LSM10: variants seen among roughly 807,000 people sequenced by gnomAD.
LSM10 encodes U7 snRNA-associated Sm-like protein LSm10.
In LSM10, 4 loss-of-function variants were observed where a neutral mutation model predicts 5.2. That is an observed-to-expected ratio of 0.77 (90% CI 0.38 to 1.77). The LOEUF is 1.77. LSM10 is among the 40% of genes most tolerant of loss of function. LSM10 has a pLI of 0.04. For synonymous variants in LSM10, 63 were observed against 67.4 expected (o/e 0.94, Z 0.32); for missense variants, 150 against 171.6 (o/e 0.87, Z 0.70).
At chr1:36,394,575 G>C (rs963946349) in intron 1 of LSM10, among the ~76,000 whole-genome samples, 1 of 152,074 alleles carries the variant, frequency 6.6e-6, no homozygotes, top group African/African-American at 2.4e-5. Context: ...GAGAGGCTGA[G>C]GCAGGCAGAT....
rs777274836 is a variant in LSM10 at position 36,393,824 on chromosome 1, A to C, written c.306T>G (p.His102Gln). 1.2e-6 allele frequency: 2 copies of C among 1,614,188 alleles called. No individual in the cohort carries two copies. Among genetic ancestry groups the C allele is most frequent in the Admixed American group, 1.7e-5 (1 of 60,016 alleles). ...STIEQQLQII[H>Q]RVRNFGGKGQ... ...CCTTGCCACCAAAGTTTCGCACCCGATGGATAATCTGCAGCTGCTGCTCAA... is the reference window on the plus strand; with the variant it reads ...CCTTGCCACCAAAGTTTCGCACCCGCTGGATAATCTGCAGCTGCTGCTCAA... Residue 102 changes from histidine (H) to glutamine (Q), a missense_variant, in exon 2 of 2, where the codon CAT becomes CAG. Physicochemically the swap from His to Gln is conservative, Grantham distance 24. Coordinates refer to ENST00000315732, the MANE Select transcript of LSM10 (RefSeq NM_032881.3).
chr1:36,396,695 G>A (rs938541444), intron 1 of LSM10, among the ~76,000 whole-genome samples: 1 of 152,250 alleles, frequency 6.6e-6, no homozygotes, highest in African/African-American at 2.4e-5. Flanking sequence ...AATGAGGCCG[G>A]GTGCAAGGGC....
At chr1:36,396,566 C>G (rs1406654105) in intron 1 of LSM10, among the ~76,000 whole-genome samples, 2 of 152,194 alleles carry the variant, frequency 1.3e-5, no homozygotes, top group Non-Finnish European at 2.9e-5. Flanking sequence ...AGGTGAGGCC[C>G]AGAGATAAAG....
In LSM10 at chr1:36,394,029, C is replaced by T. The variant is rs139161560; in HGVS notation, c.101G>A (p.Arg34Gln). Residue 34 changes from arginine to glutamine, a missense_variant, in exon 2 of 2, where the codon CGG becomes CAG. Transcript: ENST00000315732. Reference protein sequence around the residue: ...LQGRVTTVDLRDESVAHGRID... With the variant: ...LQGRVTTVDLQDESVAHGRID... ...GCGTCCGTGGGCCACGCTCTCATCC[C>T]GCAGGTCCACAGTGGTTACCCGGCC... The T allele has an allele frequency of 5.6e-6, 9 of 1,614,100 alleles. No homozygotes were observed. Among genetic ancestry groups the T allele is most frequent in the Middle Eastern group, 1.6e-4 (1 of 6,084 alleles).
rs560939679 is a variant in LSM10, at chr1:36,396,740, G to A, written c.-25+1027C>T. Among the ~76,000 whole-genome samples, 16 of 152,334 alleles carry A rather than the reference G, an allele frequency of 1.1e-4. No individual in the cohort carries two copies. In the South Asian group the frequency reaches 2.5e-3, roughly 24 times the overall value. On this transcript the variant is annotated intron_variant, in intron 1 of 1. Coordinates refer to ENST00000315732, the MANE Select transcript of LSM10 (RefSeq NM_032881.3). ...TAATCCCAGGATTTTGGGAGGCCAA[G>A]GCGAGTGGATCACCTGAGGTCAGGA...
chr1:36,394,211 C>T (rs886824908), intron 1 of LSM10, 58 bp from the exon 2 acceptor site: 166 of 1,489,898 alleles, frequency 1.1e-4, no homozygotes, highest in Non-Finnish European at 1.4e-4. Flanking sequence ...CAGTTGCCAA[C>T]TCACCTCCAC....
chr1:36,394,234 C>T, intron 1 of LSM10, 81 bp from the exon 2 acceptor site: 1 of 1,374,358 alleles, frequency 7.3e-7, no homozygotes, highest in Non-Finnish European at 9.7e-7. Flanking sequence ...GGTTCTCAAA[C>T]AAAATTCCCA....
intron 1 of LSM10, among the ~76,000 whole-genome samples, chr1:36,395,307 T>C (rs1483766035): frequency 1.3e-5 from 2 of 152,208 alleles, no homozygotes; most frequent in Non-Finnish European, 2.9e-5. Context: ...TTATAAATTA[T>C]ATGATTATCT....
At position 36,394,058 on chromosome 1, in the gene LSM10, G is replaced by A; in HGVS notation, c.72C>T (p.Leu24=). The A allele has an allele frequency of 1.2e-6, 2 of 1,614,216 alleles. No individual in the cohort carries two copies. The highest frequency in any genetic ancestry group is 1.7e-6 in the Non-Finnish European group (2 of 1,180,044). ...ENSLIILLQG[L]QGRVTTVDLR... ...GGTCCACAGTGGTTACCCGGCCCTG[G>A]AGGCCCTGCAGTAGGATGATCAGGC... Residue 24 remains leucine, a synonymous_variant, in exon 2 of 2, where the codon CTC becomes CTT. Coordinates refer to ENST00000315732, the MANE Select transcript of LSM10 (RefSeq NM_032881.3).
chr1:36,393,805 C>T lies in LSM10; in HGVS notation c.325G>A (p.Gly109Ser), dbSNP rs1557533501. Residue 109 changes from glycine to serine, a missense_variant, in exon 2 of 2, where the codon GGC (glycine) becomes AGC (serine). Transcript: ENST00000315732. Reference protein sequence around the residue: ...QIIHRVRNFGGKGQGRWEFPP... With the variant: ...QIIHRVRNFGSKGQGRWEFPP... The stretch of plus-strand genomic sequence containing the variant: ...AATTCCCACCGGCCTTGGCCCTTGC[C>T]ACCAAAGTTTCGCACCCGATGGATA... 6.2e-7 allele frequency: 1 copy of T among 1,614,252 alleles called. No individual in the cohort carries two copies.
chr1:36,394,980 G>A (rs1219647794), intron 1 of LSM10, among the ~76,000 whole-genome samples: 2 of 152,090 alleles, frequency 1.3e-5, no homozygotes, highest in South Asian at 2.1e-4. Context: ...GGTGGCACAT[G>A]CCTGTAATCT....
rs41303433 is a variant in LSM10, at chr1:36,393,471, A to T, written c.*287T>A. On this transcript the variant is annotated 3_prime_UTR_variant, in exon 2 of 2. Transcript: ENST00000315732. The stretch of plus-strand genomic sequence containing the variant: ...CATGTTTAATTATCCTCACTGGGAG[A>T]GTTGAAAACTACTTGACAGGTTCCA... The T allele has an allele frequency of 2.9e-3, 1,359 of 463,140 alleles. 4 individuals are homozygous for T. The highest frequency in any genetic ancestry group is 5.8e-3 in the Admixed American group (171 of 29,412). 28.7% of individuals were successfully genotyped at this position (463,140 alleles called of 1,614,324 possible). A position where few individuals can be genotyped will look rare whatever the true frequency, so the allele number is the denominator to read the frequency against.
rs1055065768 is a variant in LSM10 at position 36,394,010 on chromosome 1, G to A, written c.120C>T (p.His40=). The A allele has an allele frequency of 4.3e-6, 7 of 1,614,198 alleles. No homozygotes were observed. The highest frequency in any genetic ancestry group is 4.5e-5 in the East Asian group (2 of 44,872). ...AAGCATCGACATTGTCTATGCGTCC[G>A]TGGGCCACGCTCTCATCCCGCAGGT... The part of the protein sequence containing the change: ...TVDLRDESVA[H]GRIDNVDAFM... The change falls in exon 2 of 2, where the codon CAC becomes CAT. Residue 40 remains histidine, a synonymous_variant. Transcript: ENST00000315732.
rs1647141819 is a variant in LSM10, at chr1:36,394,096, T to C, written c.34A>G (p.Ile12Val). Residue 12 changes from isoleucine to valine, a missense_variant, in exon 2 of 2, where the codon ATC becomes GTC. By Grantham distance (29) the Ile-to-Val change is conservative. Coordinates refer to ENST00000315732, the MANE Select transcript of LSM10 (RefSeq NM_032881.3). ...AVSHSVKERT[I>V]SENSLIILLQ... Reference sequence around the variant, plus strand: ...AGGATGATCAGGCTGTTCTCAGAGATGGTCCGCTCCTTCACTGAATGGCTC... The same window carrying C: ...AGGATGATCAGGCTGTTCTCAGAGACGGTCCGCTCCTTCACTGAATGGCTC... 1 of 1,613,748 alleles carries C rather than the reference T, an allele frequency of 6.2e-7. No homozygotes were observed. Among genetic ancestry groups the C allele is most frequent in the Non-Finnish European group, 8.5e-7 (1 of 1,179,976 alleles).
rs151315800 is a variant in LSM10 at position 36,396,378 on chromosome 1, C to T, written c.-25+1389G>A. ...CTGAGTGGCTCACTGCCATCTTCCA[C>T]GCTGGCTGGAAACAGACTGCATTTT... On this transcript the variant is annotated intron_variant, in intron 1 of 1. Coordinates refer to ENST00000315732, the MANE Select transcript of LSM10 (RefSeq NM_032881.3). Among the ~76,000 whole-genome samples the T allele has an allele frequency of 3.5e-4, 54 of 152,288 alleles. No individual in the cohort carries two copies. The East Asian group carries it at 9.6e-3, about 27-fold the overall frequency.
In LSM10 at chr1:36,393,842, C is replaced by G; in HGVS notation, c.288G>C (p.Gln96His). Reference protein sequence around the residue: ...DDVNITSTIEQQLQIIHRVRN... With the variant: ...DDVNITSTIEHQLQIIHRVRN... Reference sequence around the variant, plus strand: ...GCACCCGATGGATAATCTGCAGCTGCTGCTCAATGGTCGAGGTGATGTTCA... The same window carrying G: ...GCACCCGATGGATAATCTGCAGCTGGTGCTCAATGGTCGAGGTGATGTTCA... Residue 96 changes from glutamine (Q) to histidine (H), a missense_variant, in exon 2 of 2, where the codon CAG (glutamine) becomes CAC (histidine). Coordinates refer to ENST00000315732, the MANE Select transcript of LSM10 (RefSeq NM_032881.3). 1 of 1,614,246 alleles carries G rather than the reference C, an allele frequency of 6.2e-7. No homozygotes were observed. Among genetic ancestry groups the G allele is most frequent in the Non-Finnish European group, 8.5e-7 (1 of 1,180,040 alleles).
chr1:36,397,646 A>T (rs2124762847), intron 1 of LSM10, 121 bp downstream of exon 1: 1 of 152,388 alleles, frequency 6.6e-6, no homozygotes, highest in South Asian at 2.1e-4. Context: ...GTCTGGGGAA[A>T]GGAGCTATAC....
Position 36,393,594 on chromosome 1 carries a change from G to T in LSM10, c.*164C>A. 1 of 930,542 alleles carries T rather than the reference G, an allele frequency of 1.1e-6. No homozygotes were observed. Among genetic ancestry groups the T allele is most frequent in the Non-Finnish European group, 1.6e-6 (1 of 613,228 alleles). The allele number at this position is 930,542 out of a possible 1,614,324, so 57.6% of individuals were successfully genotyped here. On this transcript the variant is annotated 3_prime_UTR_variant, in exon 2 of 2. Transcript: ENST00000315732. ...CTGGGTCCCAGAGTGAGTCTGGGAG[G>T]TGGAACCCTGTGAAAGGCAGCTTTG...
chr1:36,395,978 T>C (rs2994005), intron 1 of LSM10, among the ~76,000 whole-genome samples: 3,766 of 151,702 alleles, frequency 0.025, 156 homozygotes, highest in African/African-American at 0.087. Flanking sequence ...TCCCAGCACT[T>C]TGGGAGACCG....
Sources: allele counts gnomAD v4.1 joint callset (sites outside exome capture counted in the v4.1 genomes callset), GRCh38; gene constraint gnomAD v4.1.1; transcripts MANE v1.5; gene names NCBI Gene and HGNC (gene_info 2026-07-23, HGNC 2026-07-21).